Variants in TMEM52 observed in about 807,000 individuals in gnomAD.
TMEM52 encodes transmembrane protein 52.
Under a neutral mutation model 16.2 loss-of-function variants are expected in TMEM52, and 14 were observed. The observed-to-expected ratio is 0.87, with a 90% CI of 0.57 to 1.35. TMEM52 has a LOEUF of 1.35. Among genes scored for constraint, TMEM52 ranks in the 40% most tolerant of loss-of-function variants. TMEM52 has a pLI of 0.00. For synonymous variants in TMEM52, 136 were observed against 124.7 expected (o/e 1.09, Z -0.60); for missense variants, 309 against 278.6 (o/e 1.11, Z -0.78).
In TMEM52 at chr1:1,919,092, T is replaced by A. The variant is rs552591761; in HGVS notation, c.85-4A>T. The A allele has an allele frequency of 1.0e-4, 140 of 1,345,332 alleles. No individual in the cohort carries two copies. The highest frequency in any genetic ancestry group is 9.6e-4 in the Middle Eastern group (4 of 4,170). 83.3% of individuals were successfully genotyped at this position (1,345,332 alleles called of 1,614,324 possible). ...CGTCCGCGAAGCCCAGCGCCACCTG[T>A]GGGGACAAGGGTGAGCCCGGGAGGG... is the stretch of plus-strand genomic sequence containing the variant. On this transcript the variant is annotated splice_polypyrimidine_tract_variant and splice_region_variant and intron_variant, in intron 1 of 4. Coordinates refer to ENST00000310991, the MANE Select transcript of TMEM52 (RefSeq NM_178545.4).
chr1:1,918,982 C>T, intron 2 of TMEM52, 48 bp from the exon 3 acceptor site: 1 of 1,346,738 alleles, frequency 7.4e-7, no homozygotes, highest in Non-Finnish European at 9.5e-7. Context: ...GGACGGCCGA[C>T]CTCGCCACCC....
chr1:1,918,927 G>A lies in TMEM52; in HGVS notation c.136C>T (p.Pro46Ser), dbSNP rs1357751285. The change falls in exon 3 of 5, where the codon CCC (proline) becomes TCC (serine). Residue 46 changes from proline to serine, a missense_variant. Pro to Ser is a moderately conservative substitution (Grantham distance 74). Transcript: ENST00000310991. ...CACAGGCTGCTCCAGCGGGCCTGGG[G>A]CGGGCACCTGTGGGGACGGCGGCAC... ...GSCDPSDQCP[P>S]QARWSSLWHV... 2.2e-6 allele frequency: 3 copies of A among 1,386,734 alleles called. No individual in the cohort carries two copies. The highest frequency in any genetic ancestry group is 2.8e-6 in the Non-Finnish European group (3 of 1,080,790). 85.9% of individuals were successfully genotyped at this position (1,386,734 alleles called of 1,614,324 possible).
At chr1:1,918,603 G>T in intron 3 of TMEM52, 172 bp from the exon 4 acceptor site, 1 of 763,438 alleles carries the variant, frequency 1.3e-6, no homozygotes, top group Non-Finnish European at 2.3e-6. Flanking sequence ...TGCTGGGCCT[G>T]CCCTGGCTAT....
chr1:1,918,661 G>A (rs1478136915), intron 3 of TMEM52: 7 of 684,102 alleles, frequency 1.0e-5, no homozygotes, highest in South Asian at 1.8e-5. Context: ...CCCAGGACTC[G>A]CTGTCCTCAG....
At position 1,919,213 on chromosome 1, in the gene TMEM52, AG is replaced by A. The variant is rs1198249241; in HGVS notation, c.52del (p.Leu18CysfsTer98). 4 of 1,366,232 alleles carry A rather than the reference AG, an allele frequency of 2.9e-6. No individual in the cohort carries two copies. The highest frequency in any genetic ancestry group is 2.8e-6 in the Non-Finnish European group (3 of 1,067,518). 84.6% of individuals were successfully genotyped at this position (1,366,232 alleles called of 1,614,324 possible). A position where few individuals can be genotyped will look rare whatever the true frequency, so the allele number is the denominator to read the frequency against. On this transcript the variant is annotated frameshift_variant, in exon 1 of 5. Coordinates refer to ENST00000310991, the MANE Select transcript of TMEM52 (RefSeq NM_178545.4). LOFTEE classifies it high-confidence loss of function. ...CAGCGGCAGGAGCGGCAGGAGCGGC[AG>A]GAGCGGCAGCAGCAGCCGCAGTCCG... ...ARGLRLLLPL[L>X]PLLPLLPLPQ...
chr1:1,919,088 C>G lies in TMEM52; in HGVS notation c.85G>C (p.Val29Leu). 1.5e-6 allele frequency: 2 copies of G among 1,346,286 alleles called. No homozygotes were observed. Among genetic ancestry groups the G allele is most frequent in the Non-Finnish European group, 1.9e-6 (2 of 1,053,316 alleles). The allele number at this position is 1,346,286 out of a possible 1,614,324, so 83.4% of individuals were successfully genotyped here. A position where few individuals can be genotyped will look rare whatever the true frequency, so the allele number is the denominator to read the frequency against. Reference sequence around the variant, plus strand: ...CTGCCGTCCGCGAAGCCCAGCGCCACCTGTGGGGACAAGGGTGAGCCCGGG... The same window carrying G: ...CTGCCGTCCGCGAAGCCCAGCGCCAGCTGTGGGGACAAGGGTGAGCCCGGG... ...PLLPLLPLPQ[V>L]ALGFADGSCD... The change falls in exon 2 of 5, where the codon GTG becomes CTG. Residue 29 changes from valine to leucine, a missense_variant and splice_region_variant. Val to Leu is a conservative substitution (Grantham distance 32). Transcript: ENST00000310991.
Position 1,918,701 on chromosome 1 carries a change from G to C in TMEM52, c.170+192C>G, listed in dbSNP as rs1186174205. 1.3e-5 allele frequency: 9 copies of C among 718,636 alleles called. No individual in the cohort carries two copies. The African/African-American group carries it at 1.6e-4, about 13-fold the overall frequency. The allele number at this position is 718,636 out of a possible 1,614,324, so 44.5% of individuals were successfully genotyped here. A position where few individuals can be genotyped will look rare whatever the true frequency, so the allele number is the denominator to read the frequency against. On this transcript the variant is annotated intron_variant, in intron 3 of 4. Coordinates refer to ENST00000310991, the MANE Select transcript of TMEM52 (RefSeq NM_178545.4). ...TGCCCCACTGCTGAGCGGGATCGTA[G>C]GGGACTCCCGCGGAGGCCAGGCGGG... is the stretch of plus-strand genomic sequence containing the variant.
chr1:1,918,953 C>G lies in TMEM52; in HGVS notation c.129-19G>C. ...CGGGCACCTGTGGGGACGGCGGCAC[C>G]TGGAGCAGGCGGGGCATGGGACGGC... On this transcript the variant is annotated intron_variant, in intron 2 of 4. Transcript: ENST00000310991. The G allele has an allele frequency of 1.5e-6, 2 of 1,360,104 alleles. No homozygotes were observed. The highest frequency in any genetic ancestry group is 1.9e-6 in the Non-Finnish European group (2 of 1,062,952). The allele number at this position is 1,360,104 out of a possible 1,614,324, so 84.3% of individuals were successfully genotyped here.
At chr1:1,918,660 C>T (rs1376769806) in intron 3 of TMEM52, 3 of 686,486 alleles carry the variant, frequency 4.4e-6, no homozygotes, top group Non-Finnish European at 5.1e-6. Context: ...TCCCAGGACT[C>T]GCTGTCCTCA....
In TMEM52 at chr1:1,918,596, T is replaced by C. The variant is rs1345160646; in HGVS notation, c.171-165A>G. On this transcript the variant is annotated intron_variant, in intron 3 of 4. Coordinates refer to ENST00000310991, the MANE Select transcript of TMEM52 (RefSeq NM_178545.4). ...TGGCCAGAGCCTGGCCTCGGGCTGCTGGGCCTGCCCTGGCTATCTCTCCTG... is the reference window on the plus strand; with the variant it reads ...TGGCCAGAGCCTGGCCTCGGGCTGCCGGGCCTGCCCTGGCTATCTCTCCTG... 6.4e-6 allele frequency: 5 copies of C among 778,292 alleles called. No homozygotes were observed. The East Asian group carries it at 1.3e-4, about 21-fold the overall frequency. 48.2% of individuals were successfully genotyped at this position (778,292 alleles called of 1,614,324 possible). A position where few individuals can be genotyped will look rare whatever the true frequency, so the allele number is the denominator to read the frequency against.
rs767014212 is a variant in TMEM52, at chr1:1,918,428, G to A, written c.174C>T (p.Leu58=). The A allele has an allele frequency of 1.1e-5, 18 of 1,610,862 alleles. No homozygotes were observed. The highest frequency in any genetic ancestry group is 1.3e-5 in the Non-Finnish European group (15 of 1,179,132). Residue 58 remains leucine (L), a synonymous_variant, in exon 4 of 5, where the codon CTC becomes CTT. Transcript: ENST00000310991. ...GAAGCAGGAGGACCGCCAGCAGGATGAGCCTAGGAGAGCAAGGCTCTACCA... is the reference window on the plus strand; with the variant it reads ...GAAGCAGGAGGACCGCCAGCAGGATAAGCCTAGGAGAGCAAGGCTCTACCA... ...ARWSSLWHVG[L]ILLAVLLLLL... is the part of the protein sequence containing the mutation.
chr1:1,919,059 G>T lies in TMEM52; in HGVS notation c.114C>A (p.Cys38Ter). The change falls in exon 2 of 5, where the codon TGC (cysteine) becomes TGA (stop). Residue 38 changes from cysteine (C) to a stop codon, truncating the protein, a stop_gained. Coordinates refer to ENST00000310991, the MANE Select transcript of TMEM52 (RefSeq NM_178545.4). LOFTEE classifies it high-confidence loss of function. ...CCCCGACTTACTGGTCCGAGGGGTCGCAGCTGCCGTCCGCGAAGCCCAGCG... is the reference window on the plus strand; with the variant it reads ...CCCCGACTTACTGGTCCGAGGGGTCTCAGCTGCCGTCCGCGAAGCCCAGCG... ...QVALGFADGS[C>*]DPSDQCPPQA... 7.5e-7 allele frequency: 1 copy of T among 1,336,816 alleles called. No individual in the cohort carries two copies. The allele number at this position is 1,336,816 out of a possible 1,614,324, so 82.8% of individuals were successfully genotyped here.
Position 1,919,215 on chromosome 1 carries a change from GAGCGGCAGC to G in TMEM52, c.42_50del (p.Leu24_Leu26del), listed in dbSNP as rs939843707. The stretch of plus-strand genomic sequence containing the variant: ...GCGGCAGGAGCGGCAGGAGCGGCAG[GAGCGGCAGC>G]AGCAGCCGCAGTCCGCGGGCGGCCA... On this transcript the variant is annotated inframe_deletion, in exon 1 of 5. Coordinates refer to ENST00000310991, the MANE Select transcript of TMEM52 (RefSeq NM_178545.4). The G allele has an allele frequency of 1.3e-4, 123 of 918,190 alleles. No homozygotes were observed. The Middle Eastern group carries it at 1.9e-3, about 14-fold the overall frequency. The allele number at this position is 918,190 out of a possible 1,614,324, so 56.9% of individuals were successfully genotyped here. A position where few individuals can be genotyped will look rare whatever the true frequency, so the allele number is the denominator to read the frequency against.
chr1:1,918,857 C>A, intron 3 of TMEM52, 36 bp downstream of exon 3: 1 of 1,483,574 alleles, frequency 6.7e-7, no homozygotes, highest in South Asian at 1.3e-5. Flanking sequence ...GCCCCAGAAC[C>A]GTCGGACGCA....
Position 1,919,256 on chromosome 1 carries a change from C to T in TMEM52, c.10G>A (p.Gly4Arg), listed in dbSNP as rs1348693768. The change falls in exon 1 of 5, where the codon GGG (glycine) becomes AGG (arginine). Residue 4 changes from glycine (G) to arginine (R), a missense_variant. Physicochemically the swap from Gly to Arg is moderately radical, Grantham distance 125. Coordinates refer to ENST00000310991, the MANE Select transcript of TMEM52 (RefSeq NM_178545.4). MARGPLAARGLRLL... is the reference protein window; with the variant it reads MARRPLAARGLRLL... ...CGCAGTCCGCGGGCGGCCAGCGGCC[C>T]CCGGGCCATGCTCTGAGGAGGTTGG... 2 of 1,367,956 alleles carry T rather than the reference C, an allele frequency of 1.5e-6. No homozygotes were observed. The highest frequency in any genetic ancestry group is 3.1e-5 in the East Asian group (1 of 32,448). 84.7% of individuals were successfully genotyped at this position (1,367,956 alleles called of 1,614,324 possible).
At chr1:1,919,136 C>T (rs1455346090) in intron 1 of TMEM52, 46 bp downstream of exon 1, 2 of 1,361,188 alleles carry the variant, frequency 1.5e-6, no homozygotes, top group Non-Finnish European at 9.4e-7. Context: ...CGAGCAGGGA[C>T]CCGCCCCGCG....
rs1557973027 is a variant in TMEM52 at position 1,917,632 on chromosome 1, G to C, written c.*250C>G. 1.7e-6 allele frequency: 1 copy of C among 582,750 alleles called. No individual in the cohort carries two copies. Among genetic ancestry groups the C allele is most frequent in the Non-Finnish European group, 3.0e-6 (1 of 328,308 alleles). 36.1% of individuals were successfully genotyped at this position (582,750 alleles called of 1,614,324 possible). A position where few individuals can be genotyped will look rare whatever the true frequency, so the allele number is the denominator to read the frequency against. ...TTTATTCTCTCTCCAAGAAGATGCAGACGTCACAGGTGGCCCTGAGCTCCC... is the reference window on the plus strand; with the variant it reads ...TTTATTCTCTCTCCAAGAAGATGCACACGTCACAGGTGGCCCTGAGCTCCC... On this transcript the variant is annotated 3_prime_UTR_variant, in exon 5 of 5. Coordinates refer to ENST00000310991, the MANE Select transcript of TMEM52 (RefSeq NM_178545.4).
rs1651209688 is a variant in TMEM52 at position 1,918,106 on chromosome 1, G to A, written c.406C>T (p.Leu136=). The A allele has an allele frequency of 6.2e-7, 1 of 1,613,128 alleles. No homozygotes were observed. Residue 136 remains leucine (L), a synonymous_variant, in exon 5 of 5, where the codon CTG becomes TTG. Transcript: ENST00000310991. The part of the protein sequence containing the change: ...GMRLPLPFGE[L]DLDSMAPPAY... ...GGAGGAGCCATGGAGTCCAGGTCCA[G>A]CTCCCCAAAGGGCAGGGGCAACCGC...
chr1:1,918,033 G>C lies in TMEM52; in HGVS notation c.479C>G (p.Ala160Gly). ...CTCTCTGGGCTTGGCCATCTTGACA[G>C]CTTCATCGTAGGAGGGTGGAGGCTC... The part of the protein sequence containing the change: ...TPEPPPSYDE[A>G]VKMAKPREEG... The change falls in exon 5 of 5, where the codon GCT becomes GGT. Residue 160 changes from alanine (A) to glycine (G), a missense_variant. Physicochemically the swap from Ala to Gly is moderately conservative, Grantham distance 60. Coordinates refer to ENST00000310991, the MANE Select transcript of TMEM52 (RefSeq NM_178545.4). 2 of 1,613,980 alleles carry C rather than the reference G, an allele frequency of 1.2e-6. No homozygotes were observed. Among genetic ancestry groups the C allele is most frequent in the Non-Finnish European group, 1.7e-6 (2 of 1,180,020 alleles).
Sources: gnomAD v4.1 joint callset for allele counts on GRCh38, gnomAD v4.1.1 for gene constraint, MANE v1.5 for transcripts, NCBI Gene and HGNC (gene_info 2026-07-23, HGNC 2026-07-21) for gene names.